AATF: variants seen among roughly 807,000 people sequenced by gnomAD.
The protein encoded by AATF is apoptosis antagonizing transcription factor, also known as protein AATF.
Under a neutral mutation model 63.7 loss-of-function variants are expected in AATF, and 48 were observed. The observed-to-expected ratio is 0.75, with a 90% CI of 0.60 to 0.96. The LOEUF (loss-of-function observed/expected upper bound fraction) is 0.96, where lower values mean the gene tolerates loss of function less well. Among genes scored for constraint, AATF ranks in the 40% least tolerant of loss-of-function variants. The pLI, the probability that AATF is intolerant of heterozygous loss-of-function variation, is 0.00. For missense variants in AATF, 639 were observed against 685.7 expected, an observed-to-expected ratio of 0.93 and a Z score of 0.76; for synonymous variants, 258 against 247.7, an observed-to-expected ratio of 1.04 and a Z score of -0.39.
rs1302674129 is a variant in AATF at position 37,039,077 on chromosome 17, ACC to A, written c.1619+7394_1619+7395del. 3.3e-5 allele frequency among the ~76,000 whole-genome samples: 5 copies of A among 152,298 alleles called. No individual in the cohort carries two copies. The South Asian group carries it at 6.2e-4, about 19-fold the overall frequency. The stretch of plus-strand genomic sequence containing the variant: ...TGATATTCTTTTCCCCCAGTTGGTA[ACC>A]CAGAAGATAGTTAAACCATTTCTTG... On this transcript the variant is annotated intron_variant, in intron 11 of 11. Coordinates refer to ENST00000619387, the MANE Select transcript of AATF (RefSeq NM_012138.4).
chr17:36,976,017 A>C (rs990193137), intron 4 of AATF, among the ~76,000 whole-genome samples: 3 of 152,122 alleles, frequency 2.0e-5, no homozygotes, highest in African/African-American at 7.2e-5. Context: ...CATCCATGTG[A>C]TGTGGGCTTC....
At chr17:37,024,900 A>C (rs1307731578) in intron 10 of AATF, among the ~76,000 whole-genome samples, 2 of 152,160 alleles carry the variant, frequency 1.3e-5, no homozygotes, top group Non-Finnish European at 2.9e-5. Flanking sequence ...CAGAGGTTTC[A>C]GTGAGCGGAG....
At chr17:37,032,227 A>G (rs1424693931) in intron 11 of AATF, among the ~76,000 whole-genome samples, 1 of 152,212 alleles carries the variant, frequency 6.6e-6, no homozygotes, top group East Asian at 1.9e-4. Flanking sequence ...TTGGCATTCT[A>G]TAATGAAGAG....
At chr17:37,049,732 G>A (rs1236368663) in intron 11 of AATF, among the ~76,000 whole-genome samples, 5 of 152,168 alleles carry the variant, frequency 3.3e-5, no homozygotes, top group Non-Finnish European at 5.9e-5. Context: ...ATGGAGGCAC[G>A]TGCTTTATTG....
At chr17:37,019,623 A>T (rs888737597) in intron 9 of AATF, among the ~76,000 whole-genome samples, 1 of 152,242 alleles carries the variant, frequency 6.6e-6, no homozygotes, top group African/African-American at 2.4e-5. Flanking sequence ...GGAAAATAAA[A>T]AGGGCATTTA....
At chr17:37,021,345 A>G (rs1328459499) in intron 10 of AATF, among the ~76,000 whole-genome samples, 1 of 152,158 alleles carries the variant, frequency 6.6e-6, no homozygotes, top group African/African-American at 2.4e-5. Flanking sequence ...TAAAAATGTT[A>G]TGGCCAGGCG....
chr17:36,965,561 A>G (rs2070984826), intron 4 of AATF, among the ~76,000 whole-genome samples: 1 of 152,206 alleles, frequency 6.6e-6, no homozygotes. Context: ...TTGGGGGACC[A>G]TTATTCAGCC....
chr17:36,949,012 G>C lies in AATF; in HGVS notation c.-114G>C, dbSNP rs2306658. 519,514 of 1,029,984 alleles carry C rather than the reference G, an allele frequency of 0.5. 141,271 individuals are homozygous for C. The highest frequency in any genetic ancestry group is 0.57 in the Middle Eastern group (2,699 of 4,716). 63.8% of individuals were successfully genotyped at this position (1,029,984 alleles called of 1,614,324 possible). A position where few individuals can be genotyped will look rare whatever the true frequency, so the allele number is the denominator to read the frequency against. ...GGGTGGCCTCCGCGCGGTCTCTGGC[G>C]GAGTCGGGGAATCGGATCAAGGCGA... is the stretch of plus-strand genomic sequence containing the variant. On this transcript the variant is annotated 5_prime_UTR_variant, in exon 1 of 12. Coordinates refer to ENST00000619387, the MANE Select transcript of AATF (RefSeq NM_012138.4).
chr17:37,032,781 C>T (rs1258420232), intron 11 of AATF, among the ~76,000 whole-genome samples: 2 of 151,854 alleles, frequency 1.3e-5, no homozygotes, highest in Non-Finnish European at 2.9e-5. Context: ...ATTTTCATGT[C>T]GTTAAAATAA....
chr17:36,963,250 A>G (rs2070963236), intron 4 of AATF, among the ~76,000 whole-genome samples: 2 of 152,146 alleles, frequency 1.3e-5, no homozygotes, highest in African/African-American at 4.8e-5. Flanking sequence ...TGCCTTGGTT[A>G]TTTTTTGTTC....
chr17:36,961,356 T>A (rs2070945486), intron 4 of AATF, among the ~76,000 whole-genome samples: 1 of 152,210 alleles, frequency 6.6e-6, no homozygotes, highest in Admixed American at 6.5e-5. Flanking sequence ...CCACATGTAA[T>A]TTAAAATTTT....
At chr17:37,020,850 G>T (rs144316642) in intron 9 of AATF, 84 bp from the exon 10 acceptor site, 1 of 1,102,360 alleles carries the variant, frequency 9.1e-7, no homozygotes, top group African/African-American at 1.6e-5. Context: ...CTTTCTGCAG[G>T]GTTGTTAGAA....
chr17:37,028,757 G>C (rs2071529612), intron 10 of AATF, among the ~76,000 whole-genome samples: 1 of 152,160 alleles, frequency 6.6e-6, no homozygotes, highest in South Asian at 2.1e-4. Flanking sequence ...CTCCATTCCA[G>C]CCTGGGTGAC....
chr17:36,967,113 T>C (rs2070997283), intron 4 of AATF, among the ~76,000 whole-genome samples: 1 of 152,152 alleles, frequency 6.6e-6, no homozygotes, highest in South Asian at 2.1e-4. Flanking sequence ...ATGGTTTGTT[T>C]CTACTTGACT....
chr17:37,051,070 C>G (rs983616895), intron 11 of AATF: 6 of 152,214 alleles, frequency 3.9e-5, no homozygotes, highest in African/African-American at 1.2e-4. Flanking sequence ...CATACCTGGC[C>G]TATGAGTCAC....
intron 11 of AATF, chr17:37,054,487 T>C (rs1240743402): frequency 2.6e-5 from 4 of 152,220 alleles, no homozygotes; most frequent in Non-Finnish European, 5.9e-5. Context: ...TCTGAAAATA[T>C]TTTAAGAACC....
rs2070992307 is a variant in AATF, at chr17:36,966,479, G to C, written c.832+12572G>C. Among the ~76,000 whole-genome samples, 3 of 151,322 alleles carry C rather than the reference G, an allele frequency of 2.0e-5. No homozygotes were observed. The South Asian group carries it at 6.3e-4, about 32-fold the overall frequency. The stretch of plus-strand genomic sequence containing the variant: ...GATGAGGTCTCACTGTGTTGCCCAA[G>C]CTGGTCTTGAGCTCCTGGGCTCAAG... On this transcript the variant is annotated intron_variant, in intron 4 of 11. Coordinates refer to ENST00000619387, the MANE Select transcript of AATF (RefSeq NM_012138.4).
intron 4 of AATF, among the ~76,000 whole-genome samples, chr17:36,961,277 C>T (rs972916209): frequency 4.6e-5 from 7 of 152,166 alleles, no homozygotes; most frequent in Admixed American, 4.6e-4. Flanking sequence ...CTTTAATAAA[C>T]ATCCTTGTAC....
chr17:36,971,052 C>T (rs1567969052), intron 4 of AATF, among the ~76,000 whole-genome samples: 1 of 152,022 alleles, frequency 6.6e-6, no homozygotes, highest in Non-Finnish European at 1.5e-5. Flanking sequence ...AAAACAGAAT[C>T]CATAAAAGAA....
Sources: allele counts gnomAD v4.1 joint callset (sites outside exome capture counted in the v4.1 genomes callset), GRCh38; gene constraint gnomAD v4.1.1; transcripts MANE v1.5; gene names NCBI Gene and HGNC (gene_info 2026-07-23, HGNC 2026-07-21).